RESP18: variants seen among roughly 807,000 people sequenced by gnomAD.
The protein encoded by RESP18 is regulated endocrine specific protein 18.
Under a neutral mutation model 30.0 loss-of-function variants are expected in RESP18, and 30 were observed. The ratio of observed to expected loss-of-function variants is 1.00; its 90% CI spans 0.75 to 1.36. The LOEUF (loss-of-function observed/expected upper bound fraction) is 1.36, where lower values mean the gene tolerates loss of function less well. Among genes scored for constraint, RESP18 ranks in the 40% most tolerant of loss-of-function variants. The pLI is 0.00. For missense variants in RESP18, 320 were observed against 284.2 expected (o/e 1.13, Z -0.91); for synonymous variants, 117 against 111.2 (o/e 1.05, Z -0.33).
At position 219,328,113 on chromosome 2, in the gene RESP18, T is replaced by C. The variant is rs558480309; in HGVS notation, c.641-550A>G. ...GACCTCTCAGTTTTCACTTTTGCTCTCCTTACAGTTCATTCCCCAACATCA... is the reference window on the plus strand; with the variant it reads ...GACCTCTCAGTTTTCACTTTTGCTCCCCTTACAGTTCATTCCCCAACATCA... On this transcript the variant is annotated intron_variant, in intron 6 of 6. Coordinates refer to ENST00000333527, the MANE Select transcript of RESP18 (RefSeq NM_001007089.4). Among the ~76,000 whole-genome samples, 66 of 152,368 alleles carry C rather than the reference T, an allele frequency of 4.3e-4. 1 individual carries two copies. The highest frequency in any genetic ancestry group is 1.5e-3 in the African/African-American group (64 of 41,592).
intron 4 of RESP18, 188 bp downstream of exon 3, chr2:219,329,449 C>A (rs1340453448): frequency 1.9e-6 from 3 of 1,550,810 alleles, no homozygotes; most frequent in Non-Finnish European, 8.7e-7. Context: ...GCTTGCCACA[C>A]CCACCTCCCC....
intron 1 of RESP18, chr2:219,333,112 TATAATATTA>T (rs1448927834): frequency 5.7e-6 from 7 of 1,226,114 alleles, no homozygotes; most frequent in Admixed American, 3.0e-5. Context: ...TATATATATA[TATAATATTA>T]TATATTATAT....
chr2:219,330,788 T>C lies in RESP18; in HGVS notation c.320A>G (p.Gln107Arg). The C allele has an allele frequency of 6.4e-7, 1 of 1,550,810 alleles. No individual in the cohort carries two copies. The change falls in exon 3 of 7, where the codon CAG becomes CGG. Residue 107 changes from glutamine to arginine, a missense_variant. Physicochemically the swap from Gln to Arg is conservative, Grantham distance 43. Transcript: ENST00000333527. ...TTACTTACCTTGGGGTATAATCTGC[T>C]GGAGCACAACCTGTAAATGCTGGAA...
chr2:219,332,764 G>C lies in RESP18; in HGVS notation c.18-26C>G. On this transcript the variant is annotated intron_variant, in intron 1 of 6. Transcript: ENST00000333527. ...CTGTTTAACCCTCCTCGGCAGTTCA[G>C]CCAATCGTGAGCGGGCCCTGCCCCT... The C allele has an allele frequency of 6.6e-7, 1 of 1,507,590 alleles. No homozygotes were observed. The highest frequency in any genetic ancestry group is 8.9e-7 in the Non-Finnish European group (1 of 1,118,828). The allele number at this position is 1,507,590 out of a possible 1,614,324, so 93.4% of individuals were successfully genotyped here. A position where few individuals can be genotyped will look rare whatever the true frequency, so the allele number is the denominator to read the frequency against.
chr2:219,331,879 C>T lies in RESP18; in HGVS notation c.232+645G>A, dbSNP rs563815704. ...CCTCTCATTGCCACCAGGCCTCCTC[C>T]CACAGCTGTTCCTGAATCCGCTGCA... On this transcript the variant is annotated intron_variant, in intron 2 of 6. Coordinates refer to ENST00000333527, the MANE Select transcript of RESP18 (RefSeq NM_001007089.4). 2.0e-5 allele frequency among the ~76,000 whole-genome samples: 3 copies of T among 152,360 alleles called. No individual in the cohort carries two copies. In the South Asian group the frequency reaches 6.2e-4, roughly 32 times the overall value.
intron 2 of RESP18, among the ~76,000 whole-genome samples, chr2:219,331,884 G>A (rs1423830421): frequency 2.6e-5 from 4 of 152,234 alleles, no homozygotes. Flanking sequence ...TCCTCCCACA[G>A]CTGTTCCTGA....
In RESP18 at chr2:219,332,361, C is replaced by T. The variant is rs1021565004; in HGVS notation, c.232+163G>A. On this transcript the variant is annotated intron_variant, in intron 2 of 6. Coordinates refer to ENST00000333527, the MANE Select transcript of RESP18 (RefSeq NM_001007089.4). ...CCCCATATGCCCAGCCTATCTGAAG[C>T]CTATGCCTCTTTCCGCTAGACGCTG... Among the ~76,000 whole-genome samples the T allele has an allele frequency of 6.6e-5, 10 of 152,192 alleles. No homozygotes were observed. The South Asian group carries it at 8.3e-4, about 13-fold the overall frequency.
chr2:219,329,809 C>A (rs984263119), intron 3 of RESP18, 45 bp from the exon 3 acceptor site: 1 of 1,535,688 alleles, frequency 6.5e-7, no homozygotes, highest in East Asian at 2.5e-5. Context: ...CTGAGACACT[C>A]GGATCCACTC....
intron 3 of RESP18, among the ~76,000 whole-genome samples, chr2:219,330,511 T>A (rs1028581609): frequency 6.7e-6 from 1 of 149,954 alleles, no homozygotes; most frequent in African/African-American, 2.5e-5. Flanking sequence ...CTCAAGGAGT[T>A]GGATGCTGGC....
intron 5 of RESP18, 63 bp downstream of exon 4, chr2:219,329,100 T>G: frequency 6.7e-7 from 1 of 1,492,600 alleles, no homozygotes; most frequent in Non-Finnish European, 9.1e-7. Flanking sequence ...CCCATTCCCT[T>G]CTTCCTATCT....
intron 1 of RESP18, chr2:219,333,015 A>G: frequency 1.2e-6 from 1 of 801,458 alleles, no homozygotes; most frequent in Non-Finnish European, 1.8e-6. Context: ...TAGGCACTCA[A>G]GGAATTTAGT....
chr2:219,331,624 C>A (rs1039097755), intron 2 of RESP18, among the ~76,000 whole-genome samples: 63 of 152,190 alleles, frequency 4.1e-4, no homozygotes, highest in Non-Finnish European at 2.4e-4. Context: ...ACCTCCAACA[C>A]CCTGAGGAGA....
chr2:219,330,564 G>A (rs574071109), intron 3 of RESP18, among the ~76,000 whole-genome samples: 26 of 149,142 alleles, frequency 1.7e-4, no homozygotes, highest in Non-Finnish European at 3.7e-4. Context: ...AGCCTTTACT[G>A]GGCTCTTCCA....
At chr2:219,331,208 A>G (rs745531007) in intron 2 of RESP18, 20 of 201,696 alleles carry the variant, frequency 9.9e-5, no homozygotes, top group Non-Finnish European at 1.5e-4. Context: ...GGCATGGGGA[A>G]ACAGGTGAGC....
chr2:219,328,642 A>G (rs892622168), intron 6 of RESP18, among the ~76,000 whole-genome samples: 2 of 152,160 alleles, frequency 1.3e-5, no homozygotes, highest in African/African-American at 2.4e-5. Context: ...CCAATTTCTC[A>G]TCTATAAAGA....
chr2:219,333,072 C>T (rs565804542), intron 1 of RESP18: 283 of 1,173,682 alleles, frequency 2.4e-4, no homozygotes, highest in African/African-American at 1.6e-3. Context: ...ACTTAAAACC[C>T]TTTAGAAATC....
intron 3 of RESP18, among the ~76,000 whole-genome samples, 156 bp from the exon 3 acceptor site, chr2:219,329,920 A>G (rs1476904792): frequency 1.3e-5 from 2 of 152,274 alleles, no homozygotes; most frequent in African/African-American, 2.4e-5. Flanking sequence ...AGTGCCTAGC[A>G]TATAATATTC....
chr2:219,330,282 C>G (rs374836010), intron 3 of RESP18, among the ~76,000 whole-genome samples: 1 of 152,038 alleles, frequency 6.6e-6, no homozygotes, highest in South Asian at 2.1e-4. Context: ...AGGAAGATTT[C>G]CTAGCTGACT....
At chr2:219,329,294 G>A in intron 4 of RESP18, 42 bp from the exon 4 acceptor site, 21 of 1,551,746 alleles carry the variant, frequency 1.4e-5, no homozygotes, top group Non-Finnish European at 1.7e-5. Context: ...AGGCAGAAAA[G>A]GGTGAGAGGG....
Sources: allele counts gnomAD v4.1 joint callset (sites outside exome capture counted in the v4.1 genomes callset), GRCh38; gene constraint gnomAD v4.1.1; transcripts MANE v1.5; gene names NCBI Gene and HGNC (gene_info 2026-07-23, HGNC 2026-07-21).